The following FMNL2 variants were observed in gnomAD, a reference collection of about 807,000 sequenced individuals.
The protein encoded by FMNL2 is formin like 2.
FMNL2 carries 51 observed loss-of-function variants against 130.2 expected under a neutral mutation model. That is an observed-to-expected ratio of 0.39 (90% CI 0.31 to 0.49). The LOEUF (loss-of-function observed/expected upper bound fraction) is 0.49, where lower values mean the gene tolerates loss of function less well. Ranked by LOEUF, FMNL2 falls within the 20% of genes least tolerant of loss-of-function variation. The probability of loss-of-function intolerance (pLI) is 0.85; values close to 1 mark genes in which losing one functional copy is unlikely to be tolerated. For missense variants in FMNL2, 977 were observed against 1,316.2 expected, an observed-to-expected ratio of 0.74 and a Z score of 3.99; for synonymous variants, 465 against 467.1, an observed-to-expected ratio of 1.00 and a Z score of 0.06.
chr2:152,382,324 G>A (rs1010859390), intron 1 of FMNL2, among the ~76,000 whole-genome samples: 5 of 152,170 alleles, frequency 3.3e-5, no homozygotes, highest in Admixed American at 1.3e-4. Flanking sequence ...TCAAAGGAGA[G>A]GCGTCATTAA....
At chr2:152,442,788 T>C (rs547604531) in intron 1 of FMNL2, among the ~76,000 whole-genome samples, 2 of 152,260 alleles carry the variant, frequency 1.3e-5, no homozygotes, top group South Asian at 4.1e-4. Flanking sequence ...AGATTTATAT[T>C]TAAAAGCAGT....
chr2:152,619,577 C>A lies in FMNL2; in HGVS notation c.1696C>A (p.Pro566Thr). 1 of 892,932 alleles carries A rather than the reference C, an allele frequency of 1.1e-6. No individual in the cohort carries two copies. The highest frequency in any genetic ancestry group is 1.7e-6 in the Non-Finnish European group (1 of 602,926). The allele number at this position is 892,932 out of a possible 1,614,324, so 55.3% of individuals were successfully genotyped here. A position where few individuals can be genotyped will look rare whatever the true frequency, so the allele number is the denominator to read the frequency against. ...GCCCCCTCCTCCACCTCCTCCTCCCCCACCGCCCCCTCCGCCTCCTCCTCT... is the reference window on the plus strand; with the variant it reads ...GCCCCCTCCTCCACCTCCTCCTCCCACACCGCCCCCTCCGCCTCCTCCTCT... ...PPPPPPPPPP[P>T]PPPPPPPLPG... Residue 566 changes from proline (P) to threonine (T), a missense_variant, in exon 15 of 26, where the codon CCA (proline) becomes ACA (threonine). Pro to Thr is a conservative substitution (Grantham distance 38). Around this residue, in one of 4 missense-constraint regions of FMNL2, gnomAD observed 689 missense variants for 995.9 expected, o/e 0.69. Coordinates refer to ENST00000288670, the MANE Select transcript of FMNL2 (RefSeq NM_052905.4).
chr2:152,469,547 T>C (rs761867496), intron 1 of FMNL2, among the ~76,000 whole-genome samples: 6 of 152,352 alleles, frequency 3.9e-5, no homozygotes, highest in South Asian at 2.1e-4. Context: ...TGAGCCTTCC[T>C]ATTCACTCTC....
intron 1 of FMNL2, among the ~76,000 whole-genome samples, chr2:152,481,153 C>A (rs374762675): frequency 6.6e-6 from 1 of 152,062 alleles, no homozygotes; most frequent in Non-Finnish European, 1.5e-5. Context: ...AAACACTTAA[C>A]TGAACAAAAA....
chr2:152,640,691 A>G, intron 24 of FMNL2, 100 bp from the exon 25 acceptor site: 1 of 1,440,454 alleles, frequency 6.9e-7, no homozygotes, highest in Non-Finnish European at 9.3e-7. Flanking sequence ...TTTTTGGCCG[A>G]AGCTGCTTAT....
At position 152,390,286 on chromosome 2, in the gene FMNL2, C is replaced by G. The variant is rs535228757; in HGVS notation, c.117+54566C>G. The G allele has an allele frequency of 8.8e-6, 12 of 1,356,642 alleles. No individual in the cohort carries two copies. The East Asian group carries it at 2.8e-4, about 31-fold the overall frequency. 84.0% of individuals were successfully genotyped at this position (1,356,642 alleles called of 1,614,324 possible). A position where few individuals can be genotyped will look rare whatever the true frequency, so the allele number is the denominator to read the frequency against. Reference sequence around the variant, plus strand: ...CGGGTGGGGCTCAAGGGGCAGCCAGCAATCATCGATGGGGAGCTCTACAAC... The same window carrying G: ...CGGGTGGGGCTCAAGGGGCAGCCAGGAATCATCGATGGGGAGCTCTACAAC... On this transcript the variant is annotated intron_variant, in intron 1 of 25. Transcript: ENST00000288670.
chr2:152,360,499 C>CT (rs1190885365), intron 1 of FMNL2, among the ~76,000 whole-genome samples: 5 of 151,678 alleles, frequency 3.3e-5, no homozygotes, highest in Non-Finnish European at 7.4e-5. Flanking sequence ...ACCAGCTACG[C>CT]TTTTTTTTGT....
At chr2:152,379,439 G>A (rs1684343353) in intron 1 of FMNL2, among the ~76,000 whole-genome samples, 1 of 152,162 alleles carries the variant, frequency 6.6e-6, no homozygotes, top group Non-Finnish European at 1.5e-5. Context: ...CTTTTAACTG[G>A]TCTCAGAGAT....
chr2:152,615,531 G>A (rs968491259), intron 12 of FMNL2, among the ~76,000 whole-genome samples: 5 of 152,156 alleles, frequency 3.3e-5, no homozygotes. Flanking sequence ...GTTCTTTGAA[G>A]AATGTCCTCA....
At chr2:152,548,170 C>T (rs1345289314) in intron 3 of FMNL2, among the ~76,000 whole-genome samples, 2 of 152,054 alleles carry the variant, frequency 1.3e-5, no homozygotes, top group Non-Finnish European at 2.9e-5. Context: ...GAAGGACCCT[C>T]TAAGTGAGGA....
intron 1 of FMNL2, among the ~76,000 whole-genome samples, chr2:152,346,152 G>A (rs1682109061): frequency 6.6e-6 from 1 of 152,086 alleles, no homozygotes; most frequent in African/African-American, 2.4e-5. Context: ...AGCCTCCAGA[G>A]TGGCTGGGAT....
chr2:152,599,406 T>C (rs12992255), intron 9 of FMNL2, among the ~76,000 whole-genome samples: 1 of 41,302 alleles, frequency 2.4e-5, no homozygotes, highest in African/African-American at 1.2e-4. Context: ...GAAGGTCATC[T>C]TTTTTTTTTT....
At chr2:152,640,436 T>C (rs1344431735) in intron 24 of FMNL2, among the ~76,000 whole-genome samples, 1 of 152,190 alleles carries the variant, frequency 6.6e-6, no homozygotes, top group African/African-American at 2.4e-5. Flanking sequence ...GAACATTTCA[T>C]GGAGGGCAAC....
intron 6 of FMNL2, among the ~76,000 whole-genome samples, chr2:152,572,871 T>C (rs886330801): frequency 6.6e-6 from 1 of 151,864 alleles, no homozygotes; most frequent in Non-Finnish European, 1.5e-5. Context: ...GTTACAAAAA[T>C]TGTCAGATTC....
At chr2:152,379,137 AT>A (rs1175398810) in intron 1 of FMNL2, among the ~76,000 whole-genome samples, 1 of 151,908 alleles carries the variant, frequency 6.6e-6, no homozygotes, top group Non-Finnish European at 1.5e-5. Context: ...AGGAAGGGAG[AT>A]TTGTTTAGAG....
chr2:152,411,137 T>C (rs1171340636), intron 1 of FMNL2, among the ~76,000 whole-genome samples: 1 of 152,228 alleles, frequency 6.6e-6, no homozygotes, highest in Non-Finnish European at 1.5e-5. Context: ...AGTTTTCACT[T>C]CCTTTCCTAA....
intron 20 of FMNL2, 57 bp downstream of exon 20, chr2:152,629,962 TGAAG>T: frequency 6.7e-7 from 1 of 1,485,826 alleles, no homozygotes; most frequent in East Asian, 2.4e-5. Context: ...CTGGCAGAGA[TGAAG>T]TTAGGGTGGT....
chr2:152,544,068 C>T (rs1455497218), intron 3 of FMNL2, among the ~76,000 whole-genome samples: 1 of 152,174 alleles, frequency 6.6e-6, no homozygotes, highest in Admixed American at 6.5e-5. Flanking sequence ...TCATTTCTCC[C>T]TTTCCCTAAG....
At chr2:152,628,879 C>CA (rs947190615) in intron 18 of FMNL2, among the ~76,000 whole-genome samples, 6 of 152,176 alleles carry the variant, frequency 3.9e-5, no homozygotes, top group Admixed American at 1.3e-4. Flanking sequence ...GCAGTGTTGG[C>CA]AAGACTGAAA....
Sources: allele counts gnomAD v4.1 joint callset (sites outside exome capture counted in the v4.1 genomes callset), GRCh38; gene constraint gnomAD v4.1.1; regional missense constraint gnomAD v4.1.1; transcripts MANE v1.5; gene names NCBI Gene and HGNC (gene_info 2026-07-23, HGNC 2026-07-21).